The following CACNA2D2 variants were observed in gnomAD, a reference collection of about 807,000 sequenced individuals.
CACNA2D2 encodes voltage-dependent calcium channel subunit alpha-2/delta-2.
A neutral mutation model predicts 166.4 loss-of-function variants in CACNA2D2; 48 were observed. That is an observed-to-expected ratio of 0.29 (90% CI 0.23 to 0.37). CACNA2D2 has a LOEUF of 0.37. Among genes scored for constraint, CACNA2D2 ranks in the 10% least tolerant of loss-of-function variants. The pLI, the probability that CACNA2D2 is intolerant of heterozygous loss-of-function variation, is 1.00. For missense variants in CACNA2D2, 1,122 were observed against 1,433.0 expected (o/e 0.78, Z 3.50); for synonymous variants, 561 against 573.7 (o/e 0.98, Z 0.32).
chr3:50,439,179 G>A (rs1708480185), intron 2 of CACNA2D2, among the ~76,000 whole-genome samples: 1 of 152,212 alleles, frequency 6.6e-6, no homozygotes, highest in Admixed American at 6.5e-5. Flanking sequence ...GGGATGAACT[G>A]GGCAGGCCTG....
chr3:50,456,986 A>C (rs1438239935), intron 2 of CACNA2D2, among the ~76,000 whole-genome samples: 1 of 152,206 alleles, frequency 6.6e-6, no homozygotes, highest in Non-Finnish European at 1.5e-5. Flanking sequence ...GTGGAGGCTC[A>C]TGCCTATAAT....
At chr3:50,494,159 CAG>C (rs1698632036) in intron 1 of CACNA2D2, among the ~76,000 whole-genome samples, 1 of 152,128 alleles carries the variant, frequency 6.6e-6, no homozygotes. Flanking sequence ...ACTCAGCTCA[CAG>C]AGAGAAAGGA....
chr3:50,461,753 A>AC (rs1344482439), intron 2 of CACNA2D2, among the ~76,000 whole-genome samples: 1 of 149,176 alleles, frequency 6.7e-6, no homozygotes, highest in Non-Finnish European at 1.5e-5. Context: ...CTCAAAAAAA[A>AC]AAAAAAAAAA....
chr3:50,397,361 G>C (rs1356533878), intron 3 of CACNA2D2, among the ~76,000 whole-genome samples: 1 of 152,232 alleles, frequency 6.6e-6, no homozygotes, highest in South Asian at 2.1e-4. Flanking sequence ...CAGGCCCGGT[G>C]GTGGGGGAGG....
intron 23 of CACNA2D2, among the ~76,000 whole-genome samples, chr3:50,369,932 GGGTGC>G (rs1704565098): frequency 8.1e-6 from 1 of 124,068 alleles, no homozygotes. Context: ...GACAACGATG[GGGTGC>G]GGGGTTGGGG....
At position 50,364,091 on chromosome 3, in the gene CACNA2D2, C is replaced by G. The variant is rs1397132959; in HGVS notation, c.*575G>C. The stretch of plus-strand genomic sequence containing the variant: ...AGGTGTATATGGGGTAGTGTCTGAA[C>G]TGGTATCACTGTGACTATCCTGACA... On this transcript the variant is annotated 3_prime_UTR_variant, in exon 38 of 38. Coordinates refer to ENST00000424201, the MANE Select transcript of CACNA2D2 (RefSeq NM_006030.4). The G allele has an allele frequency of 6.4e-6, 1 of 155,326 alleles. No individual in the cohort carries two copies. Among genetic ancestry groups the G allele is most frequent in the East Asian group, 1.9e-4 (1 of 5,208 alleles). 9.6% of individuals were successfully genotyped at this position (155,326 alleles called of 1,614,324 possible).
intron 3 of CACNA2D2, among the ~76,000 whole-genome samples, chr3:50,406,922 C>A (rs945256058): frequency 1.3e-5 from 2 of 151,860 alleles, no homozygotes; most frequent in Admixed American, 6.6e-5. Flanking sequence ...CATTCTTCAC[C>A]TTTCTCTGTC....
rs1370966233 is a variant in CACNA2D2 at position 50,380,955 on chromosome 3, C to T, written c.784+40G>A. ...GGGTGGGCTGGTAGATGGAGAAAGG[C>T]GAGGTGCTGGGTAGACAGGGGACAG... On this transcript the variant is annotated intron_variant, in intron 7 of 37. Coordinates refer to ENST00000424201, the MANE Select transcript of CACNA2D2 (RefSeq NM_006030.4). The surrounding 1 kb of genome is among the most constrained non-coding windows in gnomAD (Gnocchi z 4.9). The T allele has an allele frequency of 7.5e-6, 12 of 1,608,138 alleles. No homozygotes were observed. The highest frequency in any genetic ancestry group is 9.4e-6 in the Non-Finnish European group (11 of 1,176,312).
Position 50,379,215 on chromosome 3 carries a change from C to T in CACNA2D2, c.1153-16G>A, listed in dbSNP as rs757150304. 1.1e-5 allele frequency: 17 copies of T among 1,601,450 alleles called. No individual in the cohort carries two copies. Among genetic ancestry groups the T allele is most frequent in the African/African-American group, 2.7e-5 (2 of 74,696 alleles). On this transcript the variant is annotated splice_polypyrimidine_tract_variant and intron_variant, in intron 11 of 37. Transcript: ENST00000424201. The surrounding 1 kb of genome is among the most constrained non-coding windows in gnomAD (Gnocchi z 6.5). ...TGATGTTGGACTGAGGGGAGTGAGGCGGAGGCAGGCAGCTCTCAGCCCTCC... is the reference window on the plus strand; with the variant it reads ...TGATGTTGGACTGAGGGGAGTGAGGTGGAGGCAGGCAGCTCTCAGCCCTCC...
rs534539798 is a variant in CACNA2D2, at chr3:50,443,184, C to T, written c.289-8755G>A. On this transcript the variant is annotated intron_variant, in intron 2 of 37. Transcript: ENST00000424201. ...CACTTTCCCAACTCACAGAAGTCGC[C>T]GGGTGCGGCCGGCTGGTGTGGGCGC... Among the ~76,000 whole-genome samples the T allele has an allele frequency of 1.4e-4, 22 of 152,324 alleles. No individual in the cohort carries two copies. The South Asian group carries it at 4.6e-3, about 32-fold the overall frequency.
At chr3:50,398,401 T>C (rs62260811) in intron 3 of CACNA2D2, among the ~76,000 whole-genome samples, 10,322 of 152,278 alleles carry the variant, frequency 0.068, 496 homozygotes, top group Non-Finnish European at 0.11. Context: ...CTTCCATGTC[T>C]GCTTTCCCCT....
Position 50,378,343 on chromosome 3 carries a change from A to T in CACNA2D2, c.1340-10T>A. 6.4e-7 allele frequency: 1 copy of T among 1,551,520 alleles called. No homozygotes were observed. Among genetic ancestry groups the T allele is most frequent in the Non-Finnish European group, 8.7e-7 (1 of 1,147,068 alleles). The stretch of plus-strand genomic sequence containing the variant: ...ATCTCAAAATAGTAGCCTGTGAAGG[A>T]AGGAGAGGCAGAGGTGGGCCTGGCT... On this transcript the variant is annotated splice_polypyrimidine_tract_variant and intron_variant, in intron 13 of 37. Coordinates refer to ENST00000424201, the MANE Select transcript of CACNA2D2 (RefSeq NM_006030.4).
Position 50,367,138 on chromosome 3 carries a change from G to A in CACNA2D2, c.2402-29C>T. The A allele has an allele frequency of 6.5e-7, 1 of 1,550,296 alleles. No individual in the cohort carries two copies. The highest frequency in any genetic ancestry group is 8.9e-7 in the Non-Finnish European group (1 of 1,125,750). ...GGGGTTGGGTGGGGAAGTCAGGAGT[G>A]GGGTCTGGCGGCCACACTGACCACT... On this transcript the variant is annotated intron_variant, in intron 27 of 37. Coordinates refer to ENST00000424201, the MANE Select transcript of CACNA2D2 (RefSeq NM_006030.4). This position sits in a 1 kb window ranked among gnomAD's most constrained non-coding sequence, Gnocchi z 6.5.
chr3:50,404,432 TGA>T (rs1484693040), intron 3 of CACNA2D2, among the ~76,000 whole-genome samples: 6 of 152,152 alleles, frequency 3.9e-5, no homozygotes, highest in African/African-American at 1.4e-4. Flanking sequence ...TCTGCTGGAA[TGA>T]GAGGCAGAGG....
At chr3:50,420,229 G>A (rs959149075) in intron 3 of CACNA2D2, among the ~76,000 whole-genome samples, 1 of 152,246 alleles carries the variant, frequency 6.6e-6, no homozygotes, top group East Asian at 1.9e-4. Flanking sequence ...AAGGGGGAGA[G>A]CAGAAAAGTA....
chr3:50,498,841 C>T (rs1698836397), intron 1 of CACNA2D2, among the ~76,000 whole-genome samples: 1 of 152,260 alleles, frequency 6.6e-6, no homozygotes, highest in Admixed American at 6.5e-5. Context: ...CCAGATGTCC[C>T]CAGCCCTCTG....
intron 3 of CACNA2D2, among the ~76,000 whole-genome samples, chr3:50,432,563 A>C (rs1268969155): frequency 6.6e-6 from 1 of 152,226 alleles, no homozygotes; most frequent in Non-Finnish European, 1.5e-5. Context: ...AGGCACGCCC[A>C]GTTCAGAAAG....
At chr3:50,440,597 A>T (rs960094814) in intron 2 of CACNA2D2, among the ~76,000 whole-genome samples, 5 of 152,234 alleles carry the variant, frequency 3.3e-5, no homozygotes, top group Non-Finnish European at 7.3e-5. Context: ...AGGCCATTAC[A>T]ATCAGCCTGC....
At chr3:50,409,981 G>C (rs1393473066) in intron 3 of CACNA2D2, among the ~76,000 whole-genome samples, 5 of 152,218 alleles carry the variant, frequency 3.3e-5, no homozygotes, top group Non-Finnish European at 7.3e-5. Context: ...ACTGAGGCCA[G>C]AGGAGGCAGG....
Sources: gnomAD v4.1 joint callset for allele counts (sites outside exome capture counted in the v4.1 genomes callset) on GRCh38, gnomAD v4.1.1 for gene constraint, Gnocchi (gnomAD v3.1) non-coding constraint, MANE v1.5 for transcripts, NCBI Gene and HGNC (gene_info 2026-07-23, HGNC 2026-07-21) for gene names.